H2BW2: variants seen among roughly 807,000 people sequenced by gnomAD.
H2BW2 encodes the protein histone H2B type F-M.
H2BW2 carries 8 observed loss-of-function variants against 9.2 expected under a neutral mutation model. The observed-to-expected ratio is 0.87, with a 90% confidence interval of 0.51 to 1.57. The LOEUF (loss-of-function observed/expected upper bound fraction) is 1.57, where lower values mean the gene tolerates loss of function less well. Among genes scored for constraint, H2BW2 ranks in the 40% most tolerant of loss-of-function variants. The pLI is 0.00. For missense variants in H2BW2, 193 were observed against 137.3 expected, an observed-to-expected ratio of 1.41 and a Z score of -2.03; for synonymous variants, 80 against 56.8, an observed-to-expected ratio of 1.41 and a Z score of -1.84.
Position 104,039,991 on chromosome X carries a change from C to T in H2BW2, c.-4C>T, listed in dbSNP as rs782782505. 6.4e-5 allele frequency: 74 copies of T among 1,155,367 alleles called. No individual in the cohort carries two copies. The highest frequency in any genetic ancestry group is 5.4e-4 in the Admixed American group (20 of 36,860). Reference sequence around the variant, plus strand: ...CTTGCTATCTAATGGCCGCTGCTTCCGCCATGGCTGAGGCTTCCTCTGAGA... The same window carrying T: ...CTTGCTATCTAATGGCCGCTGCTTCTGCCATGGCTGAGGCTTCCTCTGAGA... On this transcript the variant is annotated 5_prime_UTR_variant, in exon 1 of 4. Coordinates refer to ENST00000675318, the MANE Select transcript of H2BW2 (RefSeq NM_001388464.1).
At chrX:104,040,598 G>A (rs1159459897) in intron 1 of H2BW2, among the ~76,000 whole-genome samples, 194 bp downstream of exon 1, 4 of 112,562 alleles carry the variant, frequency 3.6e-5, no homozygotes, top group African/African-American at 1.3e-4. Context: ...GGTTTTTCAA[G>A]CATTTTTCCC....
chrX:104,040,509 C>T, intron 1 of H2BW2, 105 bp downstream of exon 1: 1 of 781,565 alleles, frequency 1.3e-6, no homozygotes, highest in Non-Finnish European at 1.8e-6. Context: ...CAGTGGCCCG[C>T]CAAGGGGGGG....
intron 2 of H2BW2, 63 bp from the exon 3 acceptor site, chrX:104,041,025 A>T: frequency 1.8e-6 from 1 of 566,529 alleles, no homozygotes; most frequent in Non-Finnish European, 2.8e-6. Flanking sequence ...CGACTCTGAG[A>T]CCACTATTGT....
In H2BW2 at chrX:104,040,110, G is replaced by C; in HGVS notation, c.116G>C (p.Arg39Pro). Residue 39 changes from arginine to proline, a missense_variant, in exon 1 of 4, where the codon CGC becomes CCC. Transcript: ENST00000675318. ...KQKRRGCRGS[R>P]RRHANRRGDS... ...AAGAGGCGAGGGTGCCGAGGCTCCC[G>C]CAGGCGCCACGCCAACCGCCGTGGG... 6.8e-6 allele frequency: 8 copies of C among 1,169,138 alleles called. No homozygotes were observed. The highest frequency in any genetic ancestry group is 1.9e-5 in the South Asian group (1 of 52,115).
chrX:104,040,303 C>A lies in H2BW2; in HGVS notation c.309C>A (p.Arg103=). 8.3e-7 allele frequency: 1 copy of A among 1,197,708 alleles called. No individual in the cohort carries two copies. Among genetic ancestry groups the A allele is most frequent in the Non-Finnish European group, 1.1e-6 (1 of 888,380 alleles). The part of the protein sequence containing the change: ...EAGQLAHYTK[R]VTITSRDIQM... ...GTCAGCTGGCCCATTACACCAAGCG[C>A]GTGACCATCACCTCCCGGGACATCC... Residue 103 remains arginine (R), a synonymous_variant, in exon 1 of 4, where the codon CGC becomes CGA. Coordinates refer to ENST00000675318, the MANE Select transcript of H2BW2 (RefSeq NM_001388464.1).
At position 104,042,454 on chromosome X, in the gene H2BW2, A is replaced by T. The variant is rs1243324713; in HGVS notation, c.*384A>T. ...AATAAATTTCTGAAGTTACCCTTGC[A>T]TATGTGTGTAATTAGACAAGTCCTT... On this transcript the variant is annotated 3_prime_UTR_variant, in exon 4 of 4. Transcript: ENST00000675318. 2.7e-5 allele frequency: 3 copies of T among 112,925 alleles called. No individual in the cohort carries two copies. The highest frequency in any genetic ancestry group is 9.6e-5 in the African/African-American group (3 of 31,118). The allele number at this position is 112,925 out of a possible 1,213,427, so 9.3% of individuals were successfully genotyped here. A position where few individuals can be genotyped will look rare whatever the true frequency, so the allele number is the denominator to read the frequency against.
Position 104,041,236 on chromosome X carries a change from G to T in H2BW2, c.*41+130G>T, listed in dbSNP as rs183249498. 50 of 173,959 alleles carry T rather than the reference G, an allele frequency of 2.9e-4. 1 individual carries two copies. The East Asian group carries it at 7.9e-3, about 27-fold the overall frequency. The allele number at this position is 173,959 out of a possible 1,213,427, so 14.3% of individuals were successfully genotyped here. ...ACCCAATGTGGGGGGAGTGACCCAA[G>T]CTGAACCCACAGCAGCCTTCCTGTT... On this transcript the variant is annotated intron_variant, in intron 3 of 3. Transcript: ENST00000675318.
chrX:104,041,217 T>A, intron 3 of H2BW2, 111 bp downstream of exon 3: 1 of 203,028 alleles, frequency 4.9e-6, no homozygotes, highest in Non-Finnish European at 8.8e-6. Flanking sequence ...ATTGACCCAA[T>A]GTGGGGGGAG....
At chrX:104,040,527 C>A (rs781838992) in intron 1 of H2BW2, 123 bp downstream of exon 1, 11 of 679,969 alleles carry the variant, frequency 1.6e-5, no homozygotes, top group African/African-American at 2.2e-5. Context: ...GGGACCCCAC[C>A]GGAGGTTGGT....
Position 104,040,101 on chromosome X carries a change from G to T in H2BW2, c.107G>T (p.Arg36Leu). 1.7e-6 allele frequency: 2 copies of T among 1,167,881 alleles called. No homozygotes were observed. The highest frequency in any genetic ancestry group is 3.2e-5 in the East Asian group (1 of 30,907). ...KAQKQKRRGC[R>L]GSRRRHANRR... ...CAGAAGCAGAAGAGGCGAGGGTGCC[G>T]AGGCTCCCGCAGGCGCCACGCCAAC... Residue 36 changes from arginine (R) to leucine (L), a missense_variant, in exon 1 of 4, where the codon CGA (arginine) becomes CTA (leucine). Physicochemically the swap from Arg to Leu is moderately radical, Grantham distance 102. Coordinates refer to ENST00000675318, the MANE Select transcript of H2BW2 (RefSeq NM_001388464.1).
intron 3 of H2BW2, chrX:104,041,565 T>C (rs2075204654): frequency 1.8e-5 from 2 of 111,967 alleles, no homozygotes; most frequent in South Asian, 7.5e-4. Flanking sequence ...TATAAGTGTA[T>C]TGCTGAATTT....
At chrX:104,041,891 A>G (rs1254825869) in intron 3 of H2BW2, 1 of 112,109 alleles carries the variant, frequency 8.9e-6, no homozygotes, top group Non-Finnish European at 1.9e-5. Context: ...ACCACCCCAG[A>G]GGGCCCAACA....
At chrX:104,040,946 C>A in intron 2 of H2BW2, 60 bp downstream of exon 2, 1 of 1,133,619 alleles carries the variant, frequency 8.8e-7, no homozygotes, top group Admixed American at 2.4e-5. Flanking sequence ...AATAAGCAAA[C>A]GAGGCCCAGT....
rs2075207011 is a variant in H2BW2, at chrX:104,042,119, G to A, written c.*49G>A. On this transcript the variant is annotated 3_prime_UTR_variant, in exon 4 of 4. Coordinates refer to ENST00000675318, the MANE Select transcript of H2BW2 (RefSeq NM_001388464.1). ...TACTTTCTGTTTTTCCAGATTATTAGAAAAATATTACAGAAATAGCTGAAG... is the reference window on the plus strand; with the variant it reads ...TACTTTCTGTTTTTCCAGATTATTAAAAAAATATTACAGAAATAGCTGAAG... 8.9e-6 allele frequency: 1 copy of A among 112,517 alleles called. No homozygotes were observed. The highest frequency in any genetic ancestry group is 1.9e-5 in the Non-Finnish European group (1 of 53,366). The allele number at this position is 112,517 out of a possible 1,213,427, so 9.3% of individuals were successfully genotyped here. A position where few individuals can be genotyped will look rare whatever the true frequency, so the allele number is the denominator to read the frequency against.
intron 2 of H2BW2, 46 bp downstream of exon 2, chrX:104,040,932 T>A (rs181006583): frequency 2.6e-6 from 3 of 1,170,239 alleles, no homozygotes. Context: ...CATGAATCCA[T>A]GTAAATAAGC....
In H2BW2 at chrX:104,040,046, G is replaced by A; in HGVS notation, c.52G>A (p.Glu18Lys). 1 of 1,166,656 alleles carries A rather than the reference G, an allele frequency of 8.6e-7. No homozygotes were observed. Among genetic ancestry groups the A allele is most frequent in the Non-Finnish European group, 1.1e-6 (1 of 872,665 alleles). The change falls in exon 1 of 4, where the codon GAG (glutamate) becomes AAG (lysine). Residue 18 changes from glutamate (E) to lysine (K), a missense_variant. Coordinates refer to ENST00000675318, the MANE Select transcript of H2BW2 (RefSeq NM_001388464.1). ...CTCGGAGGAAGGCCAGAGCATCCAG[G>A]AGCCCAAAGAGGCCAACTCCACGAA... ...TTSEEGQSIQ[E>K]PKEANSTKAQ...
intron 3 of H2BW2, chrX:104,041,693 C>G (rs2075205340): frequency 8.9e-6 from 1 of 111,789 alleles, no homozygotes; most frequent in Non-Finnish European, 1.9e-5. Flanking sequence ...TTATGTTGTG[C>G]CTTGAAGCTC....
rs782580143 is a variant in H2BW2 at position 104,040,061 on chromosome X, A to C, written c.67A>C (p.Asn23His). 217 of 1,164,318 alleles carry C rather than the reference A, an allele frequency of 1.9e-4. No homozygotes were observed. The highest frequency in any genetic ancestry group is 2.4e-4 in the Non-Finnish European group (208 of 872,115). Residue 23 changes from asparagine (N) to histidine (H), a missense_variant, in exon 1 of 4, where the codon AAC becomes CAC. Coordinates refer to ENST00000675318, the MANE Select transcript of H2BW2 (RefSeq NM_001388464.1). ...GQSIQEPKEA[N>H]STKAQKQKRR... ...GAGCATCCAGGAGCCCAAAGAGGCC[A>C]ACTCCACGAAGGCCCAGAAGCAGAA... is the stretch of plus-strand genomic sequence containing the variant.
Position 104,040,212 on chromosome X carries a change from A to G in H2BW2, c.218A>G (p.Gln73Arg). The change falls in exon 1 of 4, where the codon CAG (glutamine) becomes CGG (arginine). Residue 73 changes from glutamine to arginine, a missense_variant. Physicochemically the swap from Gln to Arg is conservative, Grantham distance 43 (BLOSUM62 1). Coordinates refer to ENST00000675318, the MANE Select transcript of H2BW2 (RefSeq NM_001388464.1). ...KQVHQGLSLS[Q>R]EAVSVMDSMI... ...GTTCACCAGGGCCTCAGCCTTTCCC[A>G]GGAGGCCGTGAGTGTCATGGATTCT... 11 of 1,192,513 alleles carry G rather than the reference A, an allele frequency of 9.2e-6. No individual in the cohort carries two copies. The highest frequency in any genetic ancestry group is 1.2e-5 in the Non-Finnish European group (11 of 885,776).
Sources: gnomAD v4.1 joint callset for allele counts (sites outside exome capture counted in the v4.1 genomes callset) on GRCh38, gnomAD v4.1.1 for gene constraint, MANE v1.5 for transcripts, NCBI Gene and HGNC (gene_info 2026-07-23, HGNC 2026-07-21) for gene names.